Variants in WWOX observed in about 807,000 individuals in gnomAD.
WWOX encodes WW domain-containing oxidoreductase.
In WWOX, 69 loss-of-function variants were observed where a neutral mutation model predicts 46.2. The observed-to-expected ratio is 1.49, with a 90% CI of 1.23 to 1.82. The LOEUF is 1.82. Ranked by LOEUF, WWOX falls within the 40% of genes most tolerant of loss-of-function variation. The probability of loss-of-function intolerance (pLI) is 0.00; values close to 1 mark genes in which losing one functional copy is unlikely to be tolerated. For missense variants in WWOX, 919 were observed against 542.6 expected, an observed-to-expected ratio of 1.69 and a Z score of -6.89; for synonymous variants, 359 against 202.6, an observed-to-expected ratio of 1.77 and a Z score of -6.56.
chr16:78,797,574 G>A (rs1174322353), intron 8 of WWOX, among the ~76,000 whole-genome samples: 1 of 152,042 alleles, frequency 6.6e-6, no homozygotes, highest in Non-Finnish European at 1.5e-5. Context: ...TCAACCTGGG[G>A]CTTTAGTCAT....
At chr16:78,318,336 A>G (rs2080396349) in intron 5 of WWOX, among the ~76,000 whole-genome samples, 1 of 140,004 alleles carries the variant, frequency 7.1e-6, no homozygotes, top group Non-Finnish European at 1.5e-5. Flanking sequence ...TTTTGAGGGC[A>G]ATGGAGACAG....
At chr16:79,040,699 A>G (rs1030196592) in intron 8 of WWOX, among the ~76,000 whole-genome samples, 5 of 152,096 alleles carry the variant, frequency 3.3e-5, no homozygotes, top group Non-Finnish European at 7.4e-5. Context: ...CCTGCAAAAG[A>G]GTCACAGATC....
intron 8 of WWOX, among the ~76,000 whole-genome samples, chr16:78,729,909 A>G (rs919948234): frequency 1.3e-5 from 2 of 152,180 alleles, no homozygotes; most frequent in Non-Finnish European, 2.9e-5. Context: ...AAACAAGACT[A>G]TGAATGTAAA....
rs371473023 is a variant in WWOX at position 78,771,075 on chromosome 16, G to T, written c.1056+338323G>T. Among the ~76,000 whole-genome samples the T allele has an allele frequency of 1.1e-4, 17 of 152,346 alleles. No homozygotes were observed. In the East Asian group the frequency reaches 3.1e-3, roughly 28 times the overall value. On this transcript the variant is annotated intron_variant, in intron 8 of 8. Coordinates refer to ENST00000566780, the MANE Select transcript of WWOX (RefSeq NM_016373.4). Reference sequence around the variant, plus strand: ...AAAGGCCCTCAGGTCAGCCGGCATGGCATGCAAGTAAGCCAGCTGCAACAC... The same window carrying T: ...AAAGGCCCTCAGGTCAGCCGGCATGTCATGCAAGTAAGCCAGCTGCAACAC...
intron 5 of WWOX, among the ~76,000 whole-genome samples, chr16:78,312,228 C>G (rs1276166320): frequency 6.6e-6 from 1 of 151,412 alleles, no homozygotes; most frequent in Non-Finnish European, 1.5e-5. Context: ...TATAACCTGG[C>G]GTAGTCTCGA....
At chr16:78,236,690 G>A (rs1005902239) in intron 5 of WWOX, among the ~76,000 whole-genome samples, 1 of 152,126 alleles carries the variant, frequency 6.6e-6, no homozygotes, top group African/African-American at 2.4e-5. Flanking sequence ...CGTGACTAGA[G>A]TTTCATAGTT....
chr16:79,045,020 G>A (rs866667769), intron 8 of WWOX, among the ~76,000 whole-genome samples: 5 of 152,280 alleles, frequency 3.3e-5, no homozygotes, highest in South Asian at 4.1e-4. Context: ...TAGCATCAGC[G>A]AGCTCTAGAA....
chr16:78,621,127 T>C (rs967694083), intron 8 of WWOX, among the ~76,000 whole-genome samples: 3 of 152,200 alleles, frequency 2.0e-5, no homozygotes, highest in Non-Finnish European at 4.4e-5. Flanking sequence ...TGGGTTTTAA[T>C]GGGCAGGGTA....
At chr16:78,430,626 C>T (rs904398148) in intron 7 of WWOX, among the ~76,000 whole-genome samples, 2 of 152,152 alleles carry the variant, frequency 1.3e-5, no homozygotes, top group African/African-American at 2.4e-5. Flanking sequence ...TGCTGAGTTC[C>T]ATTGCCTTAG....
At chr16:78,154,840 C>T (rs2034543475) in intron 4 of WWOX, among the ~76,000 whole-genome samples, 1 of 152,104 alleles carries the variant, frequency 6.6e-6, no homozygotes, top group East Asian at 1.9e-4. Context: ...GAGTTGTGAA[C>T]GTATGGACTG....
At chr16:78,883,779 T>C (rs2044393672) in intron 8 of WWOX, among the ~76,000 whole-genome samples, 1 of 151,548 alleles carries the variant, frequency 6.6e-6, no homozygotes, top group African/African-American at 2.4e-5. Flanking sequence ...TCATGTGAGA[T>C]GTTGACATTA....
chr16:78,916,828 C>A (rs1014711178), intron 8 of WWOX, among the ~76,000 whole-genome samples: 3 of 152,166 alleles, frequency 2.0e-5, no homozygotes, highest in African/African-American at 7.2e-5. Flanking sequence ...ATGAAGTTGC[C>A]AGTGTTAAAC....
At chr16:78,831,669 A>G (rs1045881957) in intron 8 of WWOX, among the ~76,000 whole-genome samples, 3 of 152,166 alleles carry the variant, frequency 2.0e-5, no homozygotes, top group Non-Finnish European at 4.4e-5. Flanking sequence ...TCATAATACT[A>G]TTTCCATTGA....
At chr16:79,184,445 T>A (rs779967368) in intron 8 of WWOX, among the ~76,000 whole-genome samples, 3 of 152,170 alleles carry the variant, frequency 2.0e-5, no homozygotes, top group Non-Finnish European at 4.4e-5. Context: ...ACCACCAATT[T>A]CCACGCCTTG....
chr16:78,921,459 C>T (rs545238717), intron 8 of WWOX, among the ~76,000 whole-genome samples: 3 of 152,322 alleles, frequency 2.0e-5, no homozygotes, highest in Middle Eastern at 6.8e-3. Context: ...ATAGTAACAA[C>T]AGCTCTTAAT....
intron 8 of WWOX, among the ~76,000 whole-genome samples, chr16:79,094,640 CTTTTTT>C (rs879730164): frequency 6.7e-6 from 1 of 148,486 alleles, no homozygotes; most frequent in African/African-American, 2.5e-5. Context: ...TCTGTTTTTT[CTTTTTT>C]TTTTAAGTTA....
chr16:78,898,091 C>G (rs1258957470), intron 8 of WWOX: 1 of 150,832 alleles, frequency 6.6e-6, no homozygotes, highest in South Asian at 2.1e-4. Context: ...TGTGAATTTT[C>G]TCCTTTGTCT....
intron 8 of WWOX, among the ~76,000 whole-genome samples, chr16:79,112,962 G>A (rs978768573): frequency 6.6e-6 from 1 of 152,168 alleles, no homozygotes; most frequent in Non-Finnish European, 1.5e-5. Context: ...AGATGGCTGT[G>A]CTTTGGTTCA....
chr16:78,137,976 C>G (rs1211850725), intron 4 of WWOX, among the ~76,000 whole-genome samples: 1 of 150,718 alleles, frequency 6.6e-6, no homozygotes, highest in East Asian at 1.9e-4. Context: ...AGTGGGTGAG[C>G]AAACCATTGT....
Sources: allele counts gnomAD v4.1 joint callset (sites outside exome capture counted in the v4.1 genomes callset), GRCh38; gene constraint gnomAD v4.1.1; transcripts MANE v1.5; gene names NCBI Gene and HGNC (gene_info 2026-07-23, HGNC 2026-07-21).